The following MSN variants were observed in gnomAD, a reference collection of about 807,000 sequenced individuals.
The protein encoded by MSN is epididymis luminal protein 70.
Under a neutral mutation model 48.0 loss-of-function variants are expected in MSN, and 2 were observed. The observed-to-expected ratio is 0.04, with a 90% CI of 0.02 to 0.13. The LOEUF is 0.13. MSN is among the 10% of genes least tolerant of loss of function. MSN has a pLI of 1.00. For missense variants in MSN, 267 were observed against 470.1 expected (o/e 0.57, Z 3.99); for synonymous variants, 146 against 166.9 (o/e 0.87, Z 0.97).
At chrX:65,684,699 A>G (rs1340863227) in intron 1 of MSN, among the ~76,000 whole-genome samples, 1 of 111,679 alleles carries the variant, frequency 9.0e-6, no homozygotes, top group African/African-American at 3.3e-5. Context: ...CGGCCTCCCA[A>G]AGTGCTGGGA....
At chrX:65,673,406 C>T (rs752542073) in intron 1 of MSN, among the ~76,000 whole-genome samples, 115 of 110,672 alleles carry the variant, frequency 1.0e-3, no homozygotes, top group Middle Eastern at 4.7e-3. Context: ...CTAAACAAAC[C>T]TCATAAAGTA....
intron 1 of MSN, among the ~76,000 whole-genome samples, chrX:65,694,453 C>T (rs186001004): frequency 1.3e-3 from 143 of 110,076 alleles, no homozygotes; most frequent in Middle Eastern, 4.6e-3. Flanking sequence ...CTCAGCCTCC[C>T]GAGGAGCTGG....
intron 1 of MSN, among the ~76,000 whole-genome samples, chrX:65,639,957 G>A (rs2070636141): frequency 1.8e-5 from 2 of 111,611 alleles, no homozygotes; most frequent in Admixed American, 1.9e-4. Context: ...TATCTGCCAG[G>A]TGCTGTGCTA....
chrX:65,689,432 C>T (rs913249053), intron 1 of MSN, among the ~76,000 whole-genome samples: 4 of 111,545 alleles, frequency 3.6e-5, no homozygotes, highest in African/African-American at 1.3e-4. Flanking sequence ...GGTGAACAGG[C>T]ATCATTAGAG....
chrX:65,632,152 G>A (rs890512574), intron 1 of MSN, among the ~76,000 whole-genome samples: 2 of 112,348 alleles, frequency 1.8e-5, no homozygotes, highest in African/African-American at 6.5e-5. Context: ...TAATGCAACA[G>A]TGTTGGAATG....
At chrX:65,649,977 TG>T (rs997575736) in intron 1 of MSN, among the ~76,000 whole-genome samples, 3 of 104,681 alleles carry the variant, frequency 2.9e-5, no homozygotes, top group African/African-American at 1.1e-4. Flanking sequence ...TATATAGGTA[TG>T]AAAAAAAAAA....
intron 1 of MSN, among the ~76,000 whole-genome samples, chrX:65,628,427 G>A (rs974449319): frequency 3.5e-5 from 4 of 112,725 alleles, no homozygotes; most frequent in Non-Finnish European, 5.6e-5. Flanking sequence ...TGAAGCCACA[G>A]CCTGAGCTCT....
intron 1 of MSN, among the ~76,000 whole-genome samples, chrX:65,682,598 G>A (rs1322988349): frequency 8.9e-6 from 1 of 111,991 alleles, no homozygotes; most frequent in African/African-American, 3.2e-5. Context: ...TCTCAGGAGT[G>A]TGTTCTTTCC....
At chrX:65,679,265 C>A (rs2148388849) in intron 1 of MSN, among the ~76,000 whole-genome samples, 1 of 112,063 alleles carries the variant, frequency 8.9e-6, no homozygotes, top group Admixed American at 9.5e-5. Flanking sequence ...GACAAAGAAA[C>A]AAGCTAAAAC....
Position 65,729,560 on chromosome X carries a change from A to T in MSN, c.315A>T (p.Gln105His). 6 of 1,211,840 alleles carry T rather than the reference A, an allele frequency of 5.0e-6. No homozygotes were observed. Among genetic ancestry groups the T allele is most frequent in the Non-Finnish European group, 6.7e-6 (6 of 895,550 alleles). ...TCACTCAGCGCCTGTTCTTTCTGCA[A>T]GTGAAAGAGGGCATTCTCAATGATG... The part of the protein sequence containing the change: ...QDITQRLFFL[Q>H]VKEGILNDDI... Residue 105 changes from glutamine (Q) to histidine (H), a missense_variant, in exon 4 of 13, where the codon CAA becomes CAT. This residue lies in a region of MSN where 89 missense variants were observed against 151.0 expected (regional missense o/e 0.59). Transcript: ENST00000360270.
chrX:65,703,668 G>A lies in MSN; in HGVS notation c.13-13150G>A, dbSNP rs368308300. 2.9e-4 allele frequency among the ~76,000 whole-genome samples: 32 copies of A among 111,990 alleles called. No homozygotes were observed. In the East Asian group the frequency reaches 6.4e-3, roughly 23 times the overall value. On this transcript the variant is annotated intron_variant, in intron 1 of 12. Coordinates refer to ENST00000360270, the MANE Select transcript of MSN (RefSeq NM_002444.3). ...CTCTGCCTCCTGTGTTGAAGCAAGC[G>A]ATTCTCATGCCTCAGCCTCCTAAGT...
intron 2 of MSN, among the ~76,000 whole-genome samples, chrX:65,727,201 A>G (rs887625842): frequency 8.9e-6 from 1 of 111,950 alleles, no homozygotes; most frequent in African/African-American, 3.3e-5. Flanking sequence ...GGTATTGTAA[A>G]TGGAACTCAG....
At chrX:65,639,521 G>A (rs143755874) in intron 1 of MSN, among the ~76,000 whole-genome samples, 2,326 of 112,006 alleles carry the variant, frequency 0.021, 44 homozygotes, top group Non-Finnish European at 0.03. Context: ...CCAAATTGGA[G>A]GTTTGCTGTC....
At position 65,739,002 on chromosome X, in the gene MSN, C is replaced by A. The variant is rs752596200; in HGVS notation, c.1377C>A (p.Thr459=). The change falls in exon 12 of 13, where the codon ACC becomes ACA. Residue 459 remains threonine, a synonymous_variant. Transcript: ENST00000360270. ...TGGTACAGGAAGACTTGGAGAAGAC[C>A]CGTGCTGAGCTGAAGACTGCCATGA... ...AQMVQEDLEK[T]RAELKTAMST... The A allele has an allele frequency of 8.3e-7, 1 of 1,211,424 alleles. No individual in the cohort carries two copies. Among genetic ancestry groups the A allele is most frequent in the Non-Finnish European group, 1.1e-6 (1 of 895,339 alleles).
chrX:65,648,290 C>T (rs756571776), intron 1 of MSN, among the ~76,000 whole-genome samples: 13 of 112,234 alleles, frequency 1.2e-4, no homozygotes, highest in Non-Finnish European at 2.3e-4. Context: ...CGGTGGCTCA[C>T]GCCTGTAATC....
intron 1 of MSN, among the ~76,000 whole-genome samples, chrX:65,660,940 G>C (rs2070818327): frequency 1.8e-5 from 2 of 111,300 alleles, no homozygotes; most frequent in African/African-American, 6.5e-5. Flanking sequence ...GTGGGTTTAT[G>C]ATAGATGGCT....
At chrX:65,603,663 T>C (rs1351002960) in intron 1 of MSN, among the ~76,000 whole-genome samples, 1 of 112,382 alleles carries the variant, frequency 8.9e-6, no homozygotes, top group African/African-American at 3.2e-5. Context: ...GACAGGATGG[T>C]TCTAGATTAT....
intron 2 of MSN, among the ~76,000 whole-genome samples, chrX:65,720,558 A>G (rs1171634709): frequency 8.9e-6 from 1 of 111,826 alleles, no homozygotes; most frequent in African/African-American, 3.3e-5. Context: ...CATTTGGGGG[A>G]TGTGAGCTCT....
intron 1 of MSN, among the ~76,000 whole-genome samples, chrX:65,628,503 C>T (rs1013302053): frequency 2.7e-5 from 3 of 111,434 alleles, no homozygotes; most frequent in Non-Finnish European, 3.8e-5. Flanking sequence ...CTAGGCTGCA[C>T]GCAGCTCAGG....
Sources: gnomAD v4.1 joint callset for allele counts (sites outside exome capture counted in the v4.1 genomes callset) on GRCh38, gnomAD v4.1.1 for gene constraint, gnomAD v4.1.1 regional missense constraint, MANE v1.5 for transcripts, NCBI Gene and HGNC (gene_info 2026-07-23, HGNC 2026-07-21) for gene names.